GTF2I: variants seen among roughly 807,000 people sequenced by gnomAD.
The protein encoded by GTF2I is general transcription factor II-I.
A neutral mutation model predicts 67.6 loss-of-function variants in GTF2I; 12 were observed. That is an observed-to-expected ratio of 0.18 (90% CI 0.11 to 0.29). The LOEUF (loss-of-function observed/expected upper bound fraction) is 0.29. Ranked by LOEUF, GTF2I falls within the 10% of genes least tolerant of loss-of-function variation. The probability of loss-of-function intolerance (pLI) is 1.00; values close to 1 mark genes in which losing one functional copy is unlikely to be tolerated. For synonymous variants in GTF2I, 149 were observed against 197.0 expected, an observed-to-expected ratio of 0.76 and a Z score of 2.04; for missense variants, 271 against 580.1, an observed-to-expected ratio of 0.47 and a Z score of 5.47.
chr7:74,660,621 C>CTTTTTTTTTTTTTTTTT (rs35605839), intron 1 of GTF2I, among the ~76,000 whole-genome samples: 3 of 124,550 alleles, frequency 2.4e-5, no homozygotes, highest in Non-Finnish European at 4.9e-5. Flanking sequence ...CTTTTCTTTT[C>CTTTTTTTTTTTTTTTTT]TTTTTTTTTT....
At chr7:74,724,203 A>C (rs938740040) in intron 12 of GTF2I, among the ~76,000 whole-genome samples, 2 of 152,230 alleles carry the variant, frequency 1.3e-5, no homozygotes, top group Non-Finnish European at 2.9e-5. Context: ...TAGAGGAGCT[A>C]TAAGTGGTAT....
intron 1 of GTF2I, among the ~76,000 whole-genome samples, chr7:74,662,169 A>G (rs1244247585): frequency 6.8e-6 from 1 of 147,476 alleles, no homozygotes; most frequent in Non-Finnish European, 1.5e-5. Context: ...GTTGGGGGCA[A>G]TTCTTGCTGA....
intron 12 of GTF2I, among the ~76,000 whole-genome samples, chr7:74,723,751 G>C (rs1793406956): frequency 6.6e-6 from 1 of 151,786 alleles, no homozygotes; most frequent in Non-Finnish European, 1.5e-5. Flanking sequence ...GAATTTAGTA[G>C]TGAATAATTC....
intron 1 of GTF2I, among the ~76,000 whole-genome samples, chr7:74,671,107 G>C (rs1245376641): frequency 1.0e-5 from 1 of 96,760 alleles, no homozygotes; most frequent in African/African-American, 4.4e-5. Context: ...TTTTTTTTGA[G>C]ACAGAGTCTC....
intron 1 of GTF2I, among the ~76,000 whole-genome samples, chr7:74,671,435 A>T (rs6460088): frequency 1.5e-3 from 222 of 151,252 alleles, no homozygotes; most frequent in Middle Eastern, 6.8e-3. Context: ...CTGGCTTTTT[A>T]AAAAAGTTAA....
intron 1 of GTF2I, among the ~76,000 whole-genome samples, chr7:74,673,061 C>T (rs1002942045): frequency 3.9e-5 from 6 of 152,078 alleles, no homozygotes; most frequent in East Asian, 1.9e-4. Flanking sequence ...GGGGTATCAC[C>T]GTGTTAGCCA....
Position 74,714,860 on chromosome 7 carries a change from G to C in GTF2I, c.767G>C (p.Gly256Ala). The C allele has an allele frequency of 1.2e-6, 2 of 1,601,668 alleles. No homozygotes were observed. Among genetic ancestry groups the C allele is most frequent in the Non-Finnish European group, 1.7e-6 (2 of 1,172,474 alleles). Residue 256 changes from glycine to alanine, a missense_variant, in exon 10 of 35, where the codon GGC becomes GCC. Coordinates refer to ENST00000573035, the MANE Select transcript of GTF2I (RefSeq NM_032999.4). ...GTATTATCTTTGTATCCCAAAGCAG[G>C]CCCTTCTGAAACTGATGATGTTGAT... ...PDYYQYNIQA[G>A]PSETDDVDEK...
intron 11 of GTF2I, 95 bp from the exon 12 acceptor site, chr7:74,718,784 T>G (rs1554404056): frequency 1.3e-5 from 8 of 613,350 alleles, no homozygotes; most frequent in Non-Finnish European, 2.3e-5. Flanking sequence ...ATTTTTATAG[T>G]AGGCTGCTTT....
intron 11 of GTF2I, 127 bp downstream of exon 11, chr7:74,717,077 G>T: frequency 7.5e-7 from 1 of 1,340,216 alleles, no homozygotes; most frequent in South Asian, 1.6e-5. Flanking sequence ...TGCCTTCCTA[G>T]CCAACAGGTT....
At chr7:74,678,697 G>A (rs1054837659) in intron 1 of GTF2I, among the ~76,000 whole-genome samples, 1 of 152,090 alleles carries the variant, frequency 6.6e-6, no homozygotes, top group Admixed American at 6.6e-5. Flanking sequence ...GAGATAGTTT[G>A]CCTGACAGTA....
intron 3 of GTF2I, among the ~76,000 whole-genome samples, chr7:74,692,221 A>C (rs1788387094): frequency 6.6e-6 from 1 of 151,608 alleles, no homozygotes; most frequent in Non-Finnish European, 1.5e-5. Context: ...TTACAGGTGC[A>C]CACCACCATA....
intron 1 of GTF2I, among the ~76,000 whole-genome samples, chr7:74,672,082 ATATG>A (rs141815402): frequency 0.035 from 5,313 of 152,118 alleles, 113 homozygotes; most frequent in Non-Finnish European, 0.047. Context: ...CCATTCATAT[ATATG>A]TATGAGTTAT....
chr7:74,739,138 C>G (rs1795027694), intron 19 of GTF2I, among the ~76,000 whole-genome samples: 1 of 4,282 alleles, frequency 2.3e-4, no homozygotes. Context: ...TCAAGCAGCT[C>G]TCCCGCCTCA....
At chr7:74,661,158 G>T (rs782212153) in intron 1 of GTF2I, among the ~76,000 whole-genome samples, 6 of 152,094 alleles carry the variant, frequency 3.9e-5, no homozygotes, top group Admixed American at 6.6e-5. Context: ...AAACCACCGC[G>T]CCTGGGCGTC....
chr7:74,686,728 A>G (rs1787754733), intron 1 of GTF2I, among the ~76,000 whole-genome samples: 1 of 152,190 alleles, frequency 6.6e-6, no homozygotes, highest in Non-Finnish European at 1.5e-5. Flanking sequence ...CAAGAGAAAA[A>G]GAATGGGACC....
At chr7:74,731,116 G>A (rs1617211) in intron 14 of GTF2I, among the ~76,000 whole-genome samples, 6 of 151,698 alleles carry the variant, frequency 4.0e-5, no homozygotes, top group African/African-American at 1.2e-4. Flanking sequence ...AAAGAAATTC[G>A]CAATTTGTTA....
intron 1 of GTF2I, among the ~76,000 whole-genome samples, chr7:74,661,199 T>A (rs1407198475): frequency 6.6e-6 from 1 of 152,098 alleles, no homozygotes; most frequent in Non-Finnish European, 1.5e-5. Context: ...CGGACTCTGC[T>A]TGCTGGGCCC....
chr7:74,693,620 G>T (rs950598999), intron 3 of GTF2I, among the ~76,000 whole-genome samples: 1 of 152,032 alleles, frequency 6.6e-6, no homozygotes, highest in Non-Finnish European at 1.5e-5. Context: ...GCCGAGATGT[G>T]TGGACCACGA....
chr7:74,666,912 G>A (rs1554388748), intron 1 of GTF2I, among the ~76,000 whole-genome samples: 2 of 152,028 alleles, frequency 1.3e-5, no homozygotes, highest in African/African-American at 2.4e-5. Flanking sequence ...ACCGGCAGGC[G>A]GAGCTTGCAG....
Sources: allele counts gnomAD v4.1 joint callset (sites outside exome capture counted in the v4.1 genomes callset), GRCh38; gene constraint gnomAD v4.1.1; transcripts MANE v1.5; gene names NCBI Gene and HGNC (gene_info 2026-07-23, HGNC 2026-07-21).